HERC5: variants seen among roughly 807,000 people sequenced by gnomAD.
The protein encoded by HERC5 is E3 ISG15--protein ligase HERC5.
Under a neutral mutation model 119.6 loss-of-function variants are expected in HERC5, and 99 were observed. That is an observed-to-expected ratio of 0.83 (90% CI 0.70 to 0.98). The LOEUF (loss-of-function observed/expected upper bound fraction) is 0.98, where lower values mean the gene tolerates loss of function less well. HERC5 is among the 50% of genes least tolerant of loss of function. HERC5 has a pLI of 0.00. For synonymous variants in HERC5, 478 were observed against 445.9 expected, an observed-to-expected ratio of 1.07 and a Z score of -0.91; for missense variants, 1,267 against 1,241.3, an observed-to-expected ratio of 1.02 and a Z score of -0.31.
intron 3 of HERC5, among the ~76,000 whole-genome samples, chr4:88,460,442 C>T (rs1267851300): frequency 6.6e-6 from 1 of 152,172 alleles, no homozygotes; most frequent in African/African-American, 2.4e-5. Flanking sequence ...ATAATCAAAA[C>T]TGTTTTCTCT....
At chr4:88,472,625 T>C in intron 11 of HERC5, 123 bp downstream of exon 11, 1 of 702,936 alleles carries the variant, frequency 1.4e-6, no homozygotes, top group Non-Finnish European at 2.5e-6. Context: ...ATATTCAGAT[T>C]AAGTTAAACT....
At chr4:88,464,992 G>A (rs903239009) in intron 6 of HERC5, among the ~76,000 whole-genome samples, 1 of 151,992 alleles carries the variant, frequency 6.6e-6, no homozygotes, top group Non-Finnish European at 1.5e-5. Flanking sequence ...GGATGGTCTC[G>A]ATGTCCTGAC....
chr4:88,476,648 C>T (rs370850519), intron 12 of HERC5, among the ~76,000 whole-genome samples: 11 of 152,234 alleles, frequency 7.2e-5, no homozygotes, highest in South Asian at 2.1e-4. Flanking sequence ...TGGCCGGGCA[C>T]GGTGGCTCAT....
rs201521313 is a variant in HERC5 at position 88,467,198 on chromosome 4, A to G, written c.1051A>G (p.Lys351Glu). 1.9e-6 allele frequency: 3 copies of G among 1,614,114 alleles called. No homozygotes were observed. The African/African-American group carries it at 4.0e-5, about 22-fold the overall frequency. ...PVKVSSSEEL[K>E]LESHTSEKEL... ...GAAAGTATCATCAAGTGAAGAACTC[A>G]AACTTGGTAAATTCTATAGGAACAT... The change falls in exon 7 of 23, where the codon AAA becomes GAA. Residue 351 changes from lysine to glutamate, a missense_variant. By Grantham distance (56) the Lys-to-Glu change is moderately conservative. Coordinates refer to ENST00000264350, the MANE Select transcript of HERC5 (RefSeq NM_016323.4).
At chr4:88,489,357 A>T (rs1741561499) in intron 16 of HERC5, 21 bp downstream of exon 16, 1 of 1,571,902 alleles carries the variant, frequency 6.4e-7, no homozygotes, top group Non-Finnish European at 8.6e-7. Flanking sequence ...ATTCTCACTT[A>T]ATGTTTTTGC....
chr4:88,505,288 AGGTCC>A (rs1742071690), intron 22 of HERC5, among the ~76,000 whole-genome samples: 1 of 152,100 alleles, frequency 6.6e-6, no homozygotes, highest in Non-Finnish European at 1.5e-5. Context: ...CCATCCTTAA[AGGTCC>A]GGCATAATTC....
At position 88,462,210 on chromosome 4, in the gene HERC5, C is replaced by G. The variant is rs758084674; in HGVS notation, c.542C>G (p.Thr181Arg). ...GGAAGGAAATTTCCCTCAACCACCA[C>G]ACCACAGATTGTGGAGCACCTCGCA... ...GVGRKFPSTT[T>R]PQIVEHLAGV... The change falls in exon 4 of 23, where the codon ACA (threonine) becomes AGA (arginine). Residue 181 changes from threonine to arginine, a missense_variant. This residue lies in a region of HERC5 where 777 missense variants were observed against 758.0 expected (regional missense o/e 1.03). Coordinates refer to ENST00000264350, the MANE Select transcript of HERC5 (RefSeq NM_016323.4). The G allele has an allele frequency of 1.9e-6, 3 of 1,614,194 alleles. No homozygotes were observed. In the East Asian group the frequency reaches 6.7e-5, roughly 36 times the overall value.
At chr4:88,478,443 G>A (rs1330663960) in intron 12 of HERC5, among the ~76,000 whole-genome samples, 1 of 151,962 alleles carries the variant, frequency 6.6e-6, no homozygotes. Context: ...GATGGGGGTG[G>A]AAAGGAAATG....
chr4:88,461,454 A>G (rs1740440705), intron 3 of HERC5, among the ~76,000 whole-genome samples: 1 of 152,330 alleles, frequency 6.6e-6, no homozygotes, highest in South Asian at 2.1e-4. Flanking sequence ...GGTGGTTGAC[A>G]GGTGCATGAA....
In HERC5 at chr4:88,504,517, A is replaced by G. The variant is rs150917306; in HGVS notation, c.2789A>G (p.Tyr930Cys). ...FEKNARYEPG[Y>C]NSSHPTIVMF... Reference sequence around the variant, plus strand: ...TAGAATGCACGTTATGAACCAGGATATAACAGTTCACATCCCACCATAGTG... The same window carrying G: ...TAGAATGCACGTTATGAACCAGGATGTAACAGTTCACATCCCACCATAGTG... The change falls in exon 22 of 23, where the codon TAT (tyrosine) becomes TGT (cysteine). Residue 930 changes from tyrosine to cysteine, a missense_variant. Physicochemically the swap from Tyr to Cys is radical, Grantham distance 194. This residue lies in a region of HERC5 where 473 missense variants were observed against 445.7 expected (regional missense o/e 1.06). Coordinates refer to ENST00000264350, the MANE Select transcript of HERC5 (RefSeq NM_016323.4). 3 of 1,583,950 alleles carry G rather than the reference A, an allele frequency of 1.9e-6. No individual in the cohort carries two copies. The highest frequency in any genetic ancestry group is 1.4e-5 in the African/African-American group (1 of 73,336).
intron 19 of HERC5, among the ~76,000 whole-genome samples, 161 bp downstream of exon 19, chr4:88,500,153 C>T (rs979738568): frequency 7.2e-5 from 11 of 152,038 alleles, no homozygotes; most frequent in African/African-American, 2.7e-4. Flanking sequence ...TTAGATTTTA[C>T]TATGTAACAG....
At chr4:88,474,599 G>A (rs1313630346) in intron 11 of HERC5, among the ~76,000 whole-genome samples, 1 of 152,116 alleles carries the variant, frequency 6.6e-6, no homozygotes, top group African/African-American at 2.4e-5. Flanking sequence ...TATAAAAATA[G>A]GTAATTATAA....
At position 88,494,151 on chromosome 4, in the gene HERC5, T is replaced by C; in HGVS notation, c.2278-14T>C. The C allele has an allele frequency of 6.4e-7, 1 of 1,572,880 alleles. No individual in the cohort carries two copies. The highest frequency in any genetic ancestry group is 8.7e-7 in the Non-Finnish European group (1 of 1,155,320). On this transcript the variant is annotated splice_polypyrimidine_tract_variant and intron_variant, in intron 17 of 22. Transcript: ENST00000264350. The stretch of plus-strand genomic sequence containing the variant: ...AAACTCATAATACTTTAAGATTTTT[T>C]TTTCGCTTTTCAGCCTAAATTTGAG...
intron 13 of HERC5, among the ~76,000 whole-genome samples, chr4:88,484,997 A>G (rs1301700070): frequency 6.6e-6 from 1 of 151,872 alleles, no homozygotes; most frequent in Non-Finnish European, 1.5e-5. Flanking sequence ...AAAATCTGCC[A>G]TACTATTGAA....
intron 1 of HERC5, chr4:88,457,875 C>G: frequency 1.9e-6 from 2 of 1,057,244 alleles, no homozygotes; most frequent in Non-Finnish European, 1.1e-6. Flanking sequence ...CCCGCCGCAT[C>G]TCCCACTGTC....
chr4:88,505,542 A>C lies in HERC5; in HGVS notation c.2870-131A>C. 4.8e-6 allele frequency: 3 copies of C among 624,540 alleles called. No individual in the cohort carries two copies. In the South Asian group the frequency reaches 6.2e-5, roughly 13 times the overall value. 38.7% of individuals were successfully genotyped at this position (624,540 alleles called of 1,614,324 possible). On this transcript the variant is annotated intron_variant, in intron 22 of 22. Transcript: ENST00000264350. ...CAGACATTGTTCGAATACAATCCCC[A>C]ATGCACTGTCAAATGTAGGACACTG...
In HERC5 at chr4:88,489,202, A is replaced by G. The variant is rs1344527624; in HGVS notation, c.1999A>G (p.Ile667Val). 3 of 1,613,360 alleles carry G rather than the reference A, an allele frequency of 1.9e-6. No individual in the cohort carries two copies. The highest frequency in any genetic ancestry group is 2.5e-6 in the Non-Finnish European group (3 of 1,179,798). Reference protein sequence around the residue: ...KHKAYLRSAAIEEERESEFAL... With the variant: ...KHKAYLRSAAVEEERESEFAL... ...TAAAGCTTATCTTAGGTCGGCAGCA[A>G]TTGAGGAAGAAAGAGAGTCTGAATT... The change falls in exon 16 of 23, where the codon ATT becomes GTT. Residue 667 changes from isoleucine (I) to valine (V), a missense_variant. This residue lies in a region of HERC5 where 473 missense variants were observed against 445.7 expected (regional missense o/e 1.06). Coordinates refer to ENST00000264350, the MANE Select transcript of HERC5 (RefSeq NM_016323.4).
At chr4:88,468,252 T>C in intron 7 of HERC5, 94 bp from the exon 8 acceptor site, 1 of 864,744 alleles carries the variant, frequency 1.2e-6, no homozygotes. Flanking sequence ...AAAAGATGAC[T>C]ACGTTTAAGA....
chr4:88,473,376 T>C (rs1560603555), intron 11 of HERC5: 2 of 152,146 alleles, frequency 1.3e-5, no homozygotes, highest in Admixed American at 6.6e-5. Flanking sequence ...CTCTTCTCTT[T>C]CCCTCTCAAT....
Sources: allele counts gnomAD v4.1 joint callset (sites outside exome capture counted in the v4.1 genomes callset), GRCh38; gene constraint gnomAD v4.1.1; regional missense constraint gnomAD v4.1.1; transcripts MANE v1.5; gene names NCBI Gene and HGNC (gene_info 2026-07-23, HGNC 2026-07-21).